RIMS2: variants seen among roughly 807,000 people sequenced by gnomAD.
RIMS2 encodes regulating synaptic membrane exocytosis 2, also known as regulating synaptic membrane exocytosis protein 2.
Under a neutral mutation model 174.4 loss-of-function variants are expected in RIMS2, and 59 were observed. That is an observed-to-expected ratio of 0.34 (90% CI 0.27 to 0.42). The LOEUF (loss-of-function observed/expected upper bound fraction) is 0.42. Among genes scored for constraint, RIMS2 ranks in the 10% least tolerant of loss-of-function variants. The probability of loss-of-function intolerance (pLI) is 1.00; values close to 1 mark genes in which losing one functional copy is unlikely to be tolerated. For synonymous variants in RIMS2, 606 were observed against 572.5 expected (o/e 1.06, Z -0.84); for missense variants, 1,620 against 1,666.3 (o/e 0.97, Z 0.48).
intron 3 of RIMS2, among the ~76,000 whole-genome samples, chr8:103,851,204 T>C (rs1376339499): frequency 6.6e-6 from 1 of 151,960 alleles, no homozygotes; most frequent in African/African-American, 2.4e-5. Context: ...CAAACAGTTA[T>C]ATATCTAGTT....
At chr8:103,769,553 T>A (rs939416134) in intron 3 of RIMS2, among the ~76,000 whole-genome samples, 20 of 152,204 alleles carry the variant, frequency 1.3e-4, no homozygotes, top group African/African-American at 4.6e-4. Flanking sequence ...CTCATATTCC[T>A]GAACTGAGAT....
At chr8:103,960,428 A>G (rs1447585614) in intron 14 of RIMS2, among the ~76,000 whole-genome samples, 1 of 152,156 alleles carries the variant, frequency 6.6e-6, no homozygotes. Flanking sequence ...AAAACTCACA[A>G]TTTTGATGTA....
At chr8:103,732,083 T>A (rs1016315283) in intron 2 of RIMS2, among the ~76,000 whole-genome samples, 28 of 152,252 alleles carry the variant, frequency 1.8e-4, no homozygotes, top group African/African-American at 6.3e-4. Context: ...CTTGGGTAGG[T>A]TTTCCATGTA....
At chr8:103,674,913 T>C (rs1396190045) in intron 1 of RIMS2, among the ~76,000 whole-genome samples, 1 of 152,220 alleles carries the variant, frequency 6.6e-6, no homozygotes, top group Non-Finnish European at 1.5e-5. Context: ...TAATAATTAA[T>C]GTTTCAATAT....
intron 19 of RIMS2, among the ~76,000 whole-genome samples, chr8:104,213,748 G>A (rs1414908153): frequency 7.9e-5 from 12 of 151,524 alleles, no homozygotes; most frequent in Admixed American, 2.6e-4. Context: ...GTGGTGGCAC[G>A]CGCCTGTAGT....
chr8:104,180,666 G>T (rs1213794241), intron 19 of RIMS2, among the ~76,000 whole-genome samples: 1 of 151,630 alleles, frequency 6.6e-6, no homozygotes, highest in African/African-American at 2.4e-5. Context: ...TTGAAGCATA[G>T]ACTTTAATCT....
At chr8:103,677,834 C>T (rs2096834459) in intron 1 of RIMS2, among the ~76,000 whole-genome samples, 1 of 152,106 alleles carries the variant, frequency 6.6e-6, no homozygotes, top group Non-Finnish European at 1.5e-5. Context: ...AAGTGACATA[C>T]AAAAATACAG....
At chr8:103,947,028 G>A (rs1201583943) in intron 14 of RIMS2, among the ~76,000 whole-genome samples, 3 of 152,114 alleles carry the variant, frequency 2.0e-5, no homozygotes, top group Non-Finnish European at 4.4e-5. Flanking sequence ...TACTAATAAT[G>A]CTGTAACAAT....
chr8:103,884,119 A>G (rs2099186060), intron 3 of RIMS2, among the ~76,000 whole-genome samples: 3 of 151,890 alleles, frequency 2.0e-5, no homozygotes, highest in African/African-American at 2.4e-5. Flanking sequence ...TCCAAATATG[A>G]GGGGAAAAGG....
chr8:103,906,198 G>A (rs1462230350), intron 4 of RIMS2, among the ~76,000 whole-genome samples: 3 of 152,140 alleles, frequency 2.0e-5, no homozygotes, highest in Admixed American at 2.0e-4. Context: ...TATTCAACAA[G>A]TGTTTAGTTA....
At chr8:103,715,059 A>T (rs2097352064) in intron 2 of RIMS2, among the ~76,000 whole-genome samples, 1 of 152,198 alleles carries the variant, frequency 6.6e-6, no homozygotes. Context: ...ATTACAGAGA[A>T]AAGAGATATA....
chr8:103,508,586 G>A (rs1824866932), intron 1 of RIMS2, among the ~76,000 whole-genome samples: 1 of 152,036 alleles, frequency 6.6e-6, no homozygotes, highest in Admixed American at 6.6e-5. Context: ...AAGGTTCAGA[G>A]CCTAAAAAGC....
At chr8:103,564,879 G>A (rs910020260) in intron 1 of RIMS2, among the ~76,000 whole-genome samples, 4 of 152,130 alleles carry the variant, frequency 2.6e-5, no homozygotes, top group South Asian at 2.1e-4. Flanking sequence ...CAACCATCAC[G>A]CTGGTCTTAC....
chr8:103,892,243 A>T (rs1311405301), intron 4 of RIMS2, among the ~76,000 whole-genome samples: 1 of 151,538 alleles, frequency 6.6e-6, no homozygotes, highest in Non-Finnish European at 1.5e-5. Flanking sequence ...TCACTCTGTT[A>T]TCCAGGCTGG....
rs189529806 is a variant in RIMS2, at chr8:103,995,652, A to T, written c.3044+6231A>T. On this transcript the variant is annotated intron_variant, in intron 17 of 23. Coordinates refer to ENST00000504942, the Ensembl canonical transcript of RIMS2. Reference sequence around the variant, plus strand: ...TGAAAGTAGTTTAGAACTTTTAGGGAATTTATACTTGTTTTTTGATATCAG... The same window carrying T: ...TGAAAGTAGTTTAGAACTTTTAGGGTATTTATACTTGTTTTTTGATATCAG... Among the ~76,000 whole-genome samples, 26 of 152,158 alleles carry T rather than the reference A, an allele frequency of 1.7e-4. No individual in the cohort carries two copies. In the East Asian group the frequency reaches 4.8e-3, roughly 28 times the overall value.
intron 1 of RIMS2, among the ~76,000 whole-genome samples, chr8:103,596,461 A>T (rs908964576): frequency 6.6e-6 from 1 of 152,054 alleles, no homozygotes; most frequent in East Asian, 1.9e-4. Context: ...GCTTTGCTGA[A>T]TTACCATGTG....
At chr8:104,065,687 G>A (rs1047317267) in intron 19 of RIMS2, among the ~76,000 whole-genome samples, 4 of 152,086 alleles carry the variant, frequency 2.6e-5, no homozygotes, top group Admixed American at 2.0e-4. Context: ...AGGATTTGAA[G>A]TTATAAGGTA....
intron 2 of RIMS2, among the ~76,000 whole-genome samples, chr8:103,758,800 C>T (rs2098067031): frequency 6.6e-6 from 1 of 152,068 alleles, no homozygotes; most frequent in South Asian, 2.1e-4. Context: ...TGGCATAAAA[C>T]AACTTACTTA....
chr8:104,009,114 TAA>T (rs139740265), intron 17 of RIMS2, among the ~76,000 whole-genome samples: 1,943 of 152,000 alleles, frequency 0.013, 53 homozygotes, highest in African/African-American at 0.045. Context: ...ATAATTACTT[TAA>T]GTTATTTATT....
Sources: gnomAD v4.1 joint callset for allele counts (sites outside exome capture counted in the v4.1 genomes callset) on GRCh38, gnomAD v4.1.1 for gene constraint, MANE v1.5 for transcripts, NCBI Gene and HGNC (gene_info 2026-07-23, HGNC 2026-07-21) for gene names.